The following COPG2 variants were observed in gnomAD, a reference collection of about 807,000 sequenced individuals.
COPG2 encodes coat protein complex I subunit gamma 2, also known as coatomer subunit gamma-2.
COPG2 carries 37 observed loss-of-function variants against 46.3 expected under a neutral mutation model. The ratio of observed to expected loss-of-function variants is 0.80; its 90% CI spans 0.61 to 1.05. The LOEUF (loss-of-function observed/expected upper bound fraction) is 1.05, where lower values mean the gene tolerates loss of function less well. Ranked by LOEUF, COPG2 falls within the 50% of genes least tolerant of loss-of-function variation. The probability of loss-of-function intolerance (pLI) is 0.00; values close to 1 mark genes in which losing one functional copy is unlikely to be tolerated. For missense variants in COPG2, 427 were observed against 387.8 expected, an observed-to-expected ratio of 1.10 and a Z score of -0.85; for synonymous variants, 159 against 129.7, an observed-to-expected ratio of 1.23 and a Z score of -1.53.
chr7:130,596,097 G>A (rs1375583190), intron 9 of COPG2, among the ~76,000 whole-genome samples: 2 of 152,206 alleles, frequency 1.3e-5, no homozygotes, highest in African/African-American at 4.8e-5. Context: ...TCCTGGGCAA[G>A]AGGCTAATGA....
chr7:130,597,358 A>G (rs1156298232), intron 9 of COPG2, among the ~76,000 whole-genome samples: 1 of 152,160 alleles, frequency 6.6e-6, no homozygotes, highest in African/African-American at 2.4e-5. Context: ...GGTTGGGCCA[A>G]TTTTCAGAGG....
rs1793642971 is a variant in COPG2 at position 130,557,310 on chromosome 7, T to C, written c.1129-2178A>G. 3.9e-5 allele frequency among the ~76,000 whole-genome samples: 6 copies of C among 152,256 alleles called. No homozygotes were observed. The South Asian group carries it at 1.0e-3, about 26-fold the overall frequency. ...GCATTTTAAAACCATTCAAAACTAA[T>C]ATAAAAATATTTTTTATAAAACATT... On this transcript the variant is annotated intron_variant, in intron 12 of 23. Transcript: ENST00000425248.
Position 130,656,016 on chromosome 7 carries a change from G to A in COPG2, c.244-3068C>T, listed in dbSNP as rs116133351. 2.6e-3 allele frequency among the ~76,000 whole-genome samples: 392 copies of A among 152,100 alleles called. 2 individuals carry two copies. The highest frequency in any genetic ancestry group is 9.1e-3 in the African/African-American group (377 of 41,510). On this transcript the variant is annotated intron_variant, in intron 4 of 23. Coordinates refer to ENST00000425248, the MANE Select transcript of COPG2 (RefSeq NM_012133.6). Reference sequence around the variant, plus strand: ...TGATTTCAATCCTTTGAAATGTGTTGTGTCTTGCTTTATGGCTCAATATAC... The same window carrying A: ...TGATTTCAATCCTTTGAAATGTGTTATGTCTTGCTTTATGGCTCAATATAC...
Position 130,554,711 on chromosome 7 carries a change from T to C in COPG2, c.1238A>G (p.Tyr413Cys), listed in dbSNP as rs1793591360. 1 of 398,620 alleles carries C rather than the reference T, an allele frequency of 2.5e-6. No individual in the cohort carries two copies. Among genetic ancestry groups the C allele is most frequent in the Non-Finnish European group, 4.4e-6 (1 of 226,062 alleles). The allele number at this position is 398,620 out of a possible 1,614,324, so 24.7% of individuals were successfully genotyped here. A position where few individuals can be genotyped will look rare whatever the true frequency, so the allele number is the denominator to read the frequency against. ...TATACAGTCCACAATGGCCCGCTTG[T>C]ACTCAAAGCCTCCCTGGCAAAAAAG... The part of the protein sequence containing the change: ...NMLRDDGGFE[Y>C]KRAIVDCIIS... Residue 413 changes from tyrosine to cysteine, a missense_variant, in exon 14 of 24, where the codon TAC becomes TGC. Tyr to Cys is a radical substitution (Grantham distance 194, BLOSUM62 -2). Transcript: ENST00000425248.
intron 5 of COPG2, among the ~76,000 whole-genome samples, chr7:130,630,822 G>C (rs1554455055): frequency 6.6e-6 from 1 of 152,022 alleles, no homozygotes; most frequent in Non-Finnish European, 1.5e-5. Context: ...TAATCTATTT[G>C]TTTCTTTATA....
intron 9 of COPG2, 151 bp from the exon 10 acceptor site, chr7:130,564,544 A>C (rs1393917705): frequency 1.0e-5 from 4 of 396,018 alleles, no homozygotes; most frequent in African/African-American, 8.2e-5. Context: ...CAATTAGAAC[A>C]CTGGCAAAAT....
intron 5 of COPG2, among the ~76,000 whole-genome samples, chr7:130,634,222 T>C (rs1795289294): frequency 6.6e-6 from 1 of 152,228 alleles, no homozygotes; most frequent in Non-Finnish European, 1.5e-5. Context: ...TGGTTCCATA[T>C]GAAATTTAAA....
At chr7:130,666,786 C>A (rs1282588938) in intron 3 of COPG2, 63 bp downstream of exon 3, 2 of 733,618 alleles carry the variant, frequency 2.7e-6, no homozygotes, top group East Asian at 2.7e-5. Flanking sequence ...GAAAGTATTT[C>A]ACTGAATCTT....
intron 20 of COPG2, among the ~76,000 whole-genome samples, chr7:130,515,748 G>C (rs1799673297): frequency 6.6e-6 from 1 of 152,068 alleles, no homozygotes; most frequent in African/African-American, 2.4e-5. Context: ...AAAAGGGAAG[G>C]GATAAATGAA....
intron 5 of COPG2, among the ~76,000 whole-genome samples, chr7:130,625,364 A>T (rs1554454118): frequency 6.6e-6 from 1 of 152,194 alleles, no homozygotes; most frequent in African/African-American, 2.4e-5. Context: ...CTTCTTTGTT[A>T]ACTCATTCTT....
chr7:130,577,591 C>T (rs1187856243), intron 9 of COPG2, among the ~76,000 whole-genome samples: 1 of 151,426 alleles, frequency 6.6e-6, no homozygotes, highest in Non-Finnish European at 1.5e-5. Flanking sequence ...GAAACCCCGT[C>T]TCTACTAAAA....
chr7:130,588,797 A>G (rs1794338706), intron 9 of COPG2, among the ~76,000 whole-genome samples: 1 of 150,722 alleles, frequency 6.6e-6, no homozygotes, highest in Non-Finnish European at 1.5e-5. Flanking sequence ...AAAGTATAAT[A>G]ATAAAAAAAA....
rs1278920101 is a variant in COPG2, at chr7:130,554,660, T to G, written c.1289A>C (p.Glu430Ala). ...GTGGGCTAGGCCTGCTTCTTTACTC[T>G]CAGGGTTCTCTTCCACAATGCTGAT... ...CIISIVEENP[E>A]SKEAGLAHLC... The change falls in exon 14 of 24, where the codon GAG becomes GCG. Residue 430 changes from glutamate to alanine, a missense_variant. Coordinates refer to ENST00000425248, the MANE Select transcript of COPG2 (RefSeq NM_012133.6). The G allele has an allele frequency of 1.0e-5, 4 of 398,514 alleles. No individual in the cohort carries two copies. The highest frequency in any genetic ancestry group is 1.8e-5 in the Non-Finnish European group (4 of 226,078). 24.7% of individuals were successfully genotyped at this position (398,514 alleles called of 1,614,324 possible). A position where few individuals can be genotyped will look rare whatever the true frequency, so the allele number is the denominator to read the frequency against.
At chr7:130,511,941 G>A (rs1260246085) in intron 20 of COPG2, 5 of 469,788 alleles carry the variant, frequency 1.1e-5, no homozygotes, top group African/African-American at 7.9e-5. Flanking sequence ...TGGGCCGGGT[G>A]CAGTGGCTCA....
At chr7:130,510,178 G>T (rs17333054) in intron 20 of COPG2, 2 of 520,102 alleles carry the variant, frequency 3.8e-6, no homozygotes, top group Admixed American at 3.9e-5. Context: ...TATGAAGAAT[G>T]GGTCTGAATT....
At chr7:130,619,475 G>A (rs980006364) in intron 5 of COPG2, among the ~76,000 whole-genome samples, 7 of 152,082 alleles carry the variant, frequency 4.6e-5, no homozygotes, top group Admixed American at 3.3e-4. Context: ...ATTAATGCAC[G>A]TAAGCTTTCT....
intron 9 of COPG2, among the ~76,000 whole-genome samples, chr7:130,565,993 G>T (rs1260875949): frequency 6.6e-6 from 1 of 152,078 alleles, no homozygotes; most frequent in Non-Finnish European, 1.5e-5. Context: ...GTTTTCATAG[G>T]AAAAGAGAGA....
At chr7:130,636,535 C>T (rs1265180539) in intron 5 of COPG2, among the ~76,000 whole-genome samples, 43 of 115,196 alleles carry the variant, frequency 3.7e-4, no homozygotes, top group Non-Finnish European at 6.5e-4. Context: ...AGGATTGCAA[C>T]CGGTTTTTTT....
chr7:130,581,955 T>A (rs1794154431), intron 9 of COPG2, among the ~76,000 whole-genome samples: 1 of 151,904 alleles, frequency 6.6e-6, no homozygotes. Context: ...GCCATCCCCA[T>A]AAAGCTACCA....
Sources: gnomAD v4.1 joint callset for allele counts (sites outside exome capture counted in the v4.1 genomes callset) on GRCh38, gnomAD v4.1.1 for gene constraint, MANE v1.5 for transcripts, NCBI Gene and HGNC (gene_info 2026-07-23, HGNC 2026-07-21) for gene names.